The following PTPRB variants were observed in gnomAD, a reference collection of about 807,000 sequenced individuals.
PTPRB encodes the protein protein tyrosine phosphatase receptor type B.
PTPRB carries 97 observed loss-of-function variants against 238.1 expected under a neutral mutation model. The ratio of observed to expected loss-of-function variants is 0.41; its 90% CI spans 0.35 to 0.48. The LOEUF is 0.48. PTPRB is among the 20% of genes least tolerant of loss of function. PTPRB has a pLI of 0.30. For missense variants in PTPRB, 2,292 were observed against 2,681.9 expected, an observed-to-expected ratio of 0.85 and a Z score of 3.21; for synonymous variants, 970 against 995.4, an observed-to-expected ratio of 0.97 and a Z score of 0.48.
intron 7 of PTPRB, among the ~76,000 whole-genome samples, chr12:70,590,559 A>G (rs562833789): frequency 2.0e-5 from 3 of 151,332 alleles, no homozygotes; most frequent in African/African-American, 7.3e-5. Flanking sequence ...TTTTCCAACT[A>G]AAAAGATTAA....
chr12:70,534,340 G>A (rs763340487), intron 31 of PTPRB, 148 bp downstream of exon 31: 14 of 821,946 alleles, frequency 1.7e-5, no homozygotes, highest in Admixed American at 1.1e-4. Context: ...GGGGAGGAAC[G>A]TTATAAAACC....
At chr12:70,635,364 C>T (rs1302476192) in intron 2 of PTPRB, among the ~76,000 whole-genome samples, 1 of 152,088 alleles carries the variant, frequency 6.6e-6, no homozygotes, top group African/African-American at 2.4e-5. Flanking sequence ...CTACATCTAA[C>T]AGTGCTTAAC....
chr12:70,571,328 T>C (rs1880029787), intron 12 of PTPRB, 39 bp from the exon 13 acceptor site: 2 of 1,519,332 alleles, frequency 1.3e-6, no homozygotes, highest in East Asian at 4.5e-5. Context: ...GGAAAGGAAC[T>C]GATCAGAGTT....
At chr12:70,549,033 A>C (rs1422173858) in intron 21 of PTPRB, among the ~76,000 whole-genome samples, 2 of 152,292 alleles carry the variant, frequency 1.3e-5, no homozygotes, top group African/African-American at 4.8e-5. Context: ...TCTATTTTGC[A>C]GATGTGGCTT....
chr12:70,531,444 A>C (rs1873226795), intron 32 of PTPRB, among the ~76,000 whole-genome samples: 1 of 152,156 alleles, frequency 6.6e-6, no homozygotes, highest in Non-Finnish European at 1.5e-5. Context: ...AAGAGATCTG[A>C]CCCTGAGGCT....
intron 4 of PTPRB, among the ~76,000 whole-genome samples, chr12:70,602,111 T>C (rs962029975): frequency 6.6e-6 from 1 of 152,184 alleles, no homozygotes; most frequent in African/African-American, 2.4e-5. Context: ...TAATTTCTTT[T>C]ACTTTGTTAT....
At position 70,576,586 on chromosome 12, in the gene PTPRB, C is replaced by T. The variant is rs1214228943; in HGVS notation, c.2638G>A (p.Val880Ile). The change falls in exon 11 of 34, where the codon GTT becomes ATT. Residue 880 changes from valine (V) to isoleucine (I), a missense_variant. By Grantham distance (29) the Val-to-Ile change is conservative. Transcript: ENST00000334414. ...TCTCCGGGCGCCAGCAGCCAGGAAA[C>T]GCTGAGGTAGTCATTACGACCGGAA... is the stretch of plus-strand genomic sequence containing the variant. ...NNSGRNDYLS[V>I]SWLLAPGDVD... The T allele has an allele frequency of 6.5e-7, 1 of 1,540,794 alleles. No individual in the cohort carries two copies. Among genetic ancestry groups the T allele is most frequent in the South Asian group, 1.2e-5 (1 of 83,912 alleles).
Position 70,552,823 on chromosome 12 carries a change from G to T in PTPRB, c.5341C>A (p.Gln1781Lys). The change falls in exon 21 of 34, where the codon CAG becomes AAG. Residue 1781 changes from glutamine (Q) to lysine (K), a missense_variant. Around this residue, in one of 4 missense-constraint regions of PTPRB, gnomAD observed 683 missense variants for 862.0 expected, o/e 0.79. Coordinates refer to ENST00000334414, the MANE Select transcript of PTPRB (RefSeq NM_001109754.4). ...AGTGGTCCATCACAGAATTTTTGCT[G>T]AGTGGGATCGCATTTTCCACCTAGG... ...ESLGGKCDPTQQKFCDGPLKP... is the reference protein window; with the variant it reads ...ESLGGKCDPTKQKFCDGPLKP... The T allele has an allele frequency of 1.9e-6, 3 of 1,613,978 alleles. No homozygotes were observed. The highest frequency in any genetic ancestry group is 2.7e-5 in the African/African-American group (2 of 75,038).
rs182212754 is a variant in PTPRB, at chr12:70,578,614, C to T, written c.2579-1969G>A. On this transcript the variant is annotated intron_variant, in intron 10 of 33. Coordinates refer to ENST00000334414, the MANE Select transcript of PTPRB (RefSeq NM_001109754.4). Reference sequence around the variant, plus strand: ...TATAATATGGGTCAAATACTTGTACCTTTATTCTAATTAAAATATAAATAA... The same window carrying T: ...TATAATATGGGTCAAATACTTGTACTTTTATTCTAATTAAAATATAAATAA... Among the ~76,000 whole-genome samples the T allele has an allele frequency of 5.2e-3, 793 of 151,590 alleles. 5 individuals carry two copies. The highest frequency in any genetic ancestry group is 0.018 in the African/African-American group (755 of 41,390).
chr12:70,517,106 GTCA>G lies in PTPRB; in HGVS notation c.*4380_*4382del, dbSNP rs1318420855. 2 of 152,110 alleles carry G rather than the reference GTCA, an allele frequency of 1.3e-5. No homozygotes were observed. Among genetic ancestry groups the G allele is most frequent in the Non-Finnish European group, 2.9e-5 (2 of 68,018 alleles). 9.4% of individuals were successfully genotyped at this position (152,110 alleles called of 1,614,324 possible). ...ACTAAAATGGCCAAACATTTTCAAA[GTCA>G]TCATGCACTACAAGAATCTAAGGCA... On this transcript the variant is annotated 3_prime_UTR_variant, in exon 34 of 34. Transcript: ENST00000334414.
At chr12:70,628,692 T>TG (rs1885312319) in intron 2 of PTPRB, among the ~76,000 whole-genome samples, 2 of 152,208 alleles carry the variant, frequency 1.3e-5, no homozygotes, top group South Asian at 4.1e-4. Context: ...GTTGTCTGCT[T>TG]GGGGCCAGTG....
chr12:70,529,092 G>T (rs1471454836), intron 32 of PTPRB, among the ~76,000 whole-genome samples: 1 of 152,076 alleles, frequency 6.6e-6, no homozygotes, highest in Non-Finnish European at 1.5e-5. Flanking sequence ...AAAGGGTGGT[G>T]CCTTGAGGAC....
chr12:70,539,997 G>A lies in PTPRB; in HGVS notation c.5620C>T (p.Arg1874Cys), dbSNP rs781259301. Residue 1874 changes from arginine (R) to cysteine (C), a missense_variant, in exon 24 of 34, where the codon CGT (arginine) becomes TGT (cysteine). Coordinates refer to ENST00000334414, the MANE Select transcript of PTPRB (RefSeq NM_001109754.4). Reference sequence around the variant, plus strand: ...GGTCGATCCCTACGAATGCTCAGACGGGCAGAGGGTCTTTCTCGACCATGG... The same window carrying A: ...GGTCGATCCCTACGAATGCTCAGACAGGCAGAGGGTCTTTCTCGACCATGG... ...VSHGRERPSA[R>C]LSIRRDRPLS... The A allele has an allele frequency of 1.2e-5, 20 of 1,609,874 alleles. No homozygotes were observed. Among genetic ancestry groups the A allele is most frequent in the East Asian group, 8.9e-5 (4 of 44,766 alleles).
intron 4 of PTPRB, among the ~76,000 whole-genome samples, 179 bp from the exon 5 acceptor site, chr12:70,596,506 C>T (rs1189470039): frequency 6.6e-6 from 1 of 151,412 alleles, no homozygotes. Flanking sequence ...CCAAACCTAC[C>T]CTTTCACTTT....
In PTPRB at chr12:70,552,716, C is replaced by G. The variant is rs138118547; in HGVS notation, c.5387+61G>C. ...AGCTCGCATGCATCAGTTGCTCAGA[C>G]AGCTGAGTGCTTAGTAATGTAGCAT... On this transcript the variant is annotated intron_variant, in intron 21 of 33. Transcript: ENST00000334414. The G allele has an allele frequency of 2.9e-4, 452 of 1,583,566 alleles. 1 individual carries two copies. The East Asian group carries it at 5.0e-3, about 17-fold the overall frequency.
chr12:70,549,260 A>G (rs1161226882), intron 21 of PTPRB, among the ~76,000 whole-genome samples: 1 of 152,272 alleles, frequency 6.6e-6, no homozygotes, highest in Non-Finnish European at 1.5e-5. Context: ...TCAGAATTCT[A>G]TAGCAGAAAG....
Position 70,534,943 on chromosome 12 carries a change from G to A in PTPRB, c.6094C>T (p.His2032Tyr). ...GAATCCTGGTCCGCTGGCCAGTAATGATCACACTTTACCTAGAACAGGACA... is the reference window on the plus strand; with the variant it reads ...GAATCCTGGTCCGCTGGCCAGTAATAATCACACTTTACCTAGAACAGGACA... ...CVEKGRVKCD[H>Y]YWPADQDSLY... The change falls in exon 30 of 34, where the codon CAT becomes TAT. Residue 2032 changes from histidine (H) to tyrosine (Y), a missense_variant. Transcript: ENST00000334414. The A allele has an allele frequency of 1.2e-6, 2 of 1,613,646 alleles. No homozygotes were observed. Among genetic ancestry groups the A allele is most frequent in the Non-Finnish European group, 1.7e-6 (2 of 1,179,724 alleles).
chr12:70,637,359 A>G lies in PTPRB; in HGVS notation c.37T>C (p.Leu13=), dbSNP rs1231964406. 6.8e-6 allele frequency: 11 copies of G among 1,609,260 alleles called. No homozygotes were observed. Among genetic ancestry groups the G allele is most frequent in the Non-Finnish European group, 9.3e-6 (11 of 1,177,976 alleles). The change falls in exon 1 of 34, where the codon TTG becomes CTG. Residue 13 remains leucine, a synonymous_variant. Coordinates refer to ENST00000334414, the MANE Select transcript of PTPRB (RefSeq NM_001109754.4). ...CACTCACCTGAGTTCCTGAAGATCA[A>G]GCAGGTAAGAATCACCATGTAAAAT... ...AEFYMVILTC[L]IFRNSEGFQI...
intron 2 of PTPRB, among the ~76,000 whole-genome samples, chr12:70,629,772 C>T (rs907612144): frequency 5.3e-5 from 8 of 151,942 alleles, no homozygotes; most frequent in Non-Finnish European, 8.8e-5. Flanking sequence ...ATATCACCAC[C>T]GATCCCACAG....
Sources: allele counts gnomAD v4.1 joint callset (sites outside exome capture counted in the v4.1 genomes callset), GRCh38; gene constraint gnomAD v4.1.1; regional missense constraint gnomAD v4.1.1; transcripts MANE v1.5; gene names NCBI Gene and HGNC (gene_info 2026-07-23, HGNC 2026-07-21).